TECPR2: variants seen among roughly 807,000 people sequenced by gnomAD.
The protein encoded by TECPR2 is tectonin beta-propeller repeat-containing protein 2.
A neutral mutation model predicts 138.1 loss-of-function variants in TECPR2; 65 were observed. The ratio of observed to expected loss-of-function variants is 0.47; its 90% CI spans 0.39 to 0.58. The LOEUF is 0.58. TECPR2 is among the 20% of genes least tolerant of loss of function. TECPR2 has a pLI of 0.00. For synonymous variants in TECPR2, 746 were observed against 749.8 expected, an observed-to-expected ratio of 0.99 and a Z score of 0.08; for missense variants, 1,553 against 1,824.5, an observed-to-expected ratio of 0.85 and a Z score of 2.71.
intron 16 of TECPR2, among the ~76,000 whole-genome samples, chr14:102,459,430 C>T (rs1415680241): frequency 2.0e-5 from 3 of 152,166 alleles, no homozygotes; most frequent in African/African-American, 7.2e-5. Context: ...ATTCTCATCT[C>T]TTGCTCTAAG....
chr14:102,438,071 G>A lies in TECPR2; in HGVS notation c.2444G>A (p.Ser815Asn). Residue 815 changes from serine (S) to asparagine (N), a missense_variant, in exon 10 of 20, where the codon AGC (serine) becomes AAC (asparagine). Transcript: ENST00000359520. ...TCGGGTCCCGGCTATGGCATCCTCAGCTTGGTGGTCTCCGAGAAGTATATC... is the reference window on the plus strand; with the variant it reads ...TCGGGTCCCGGCTATGGCATCCTCAACTTGGTGGTCTCCGAGAAGTATATC... The part of the protein sequence containing the change: ...GYSGPGYGIL[S>N]LVVSEKYIWC... 1 of 1,614,192 alleles carries A rather than the reference G, an allele frequency of 6.2e-7. No individual in the cohort carries two copies. The highest frequency in any genetic ancestry group is 8.5e-7 in the Non-Finnish European group (1 of 1,180,032).
intron 1 of TECPR2, among the ~76,000 whole-genome samples, chr14:102,367,994 CTTTTTTTTTTT>C (rs56325877): frequency 9.1e-5 from 6 of 65,834 alleles, no homozygotes; most frequent in African/African-American, 2.1e-4. Flanking sequence ...GCTTATTGGC[CTTTTTTTTTTT>C]TTTTTTTTTT....
At chr14:102,437,795 G>C (rs892921488) in intron 9 of TECPR2, among the ~76,000 whole-genome samples, 1 of 152,104 alleles carries the variant, frequency 6.6e-6, no homozygotes, top group African/African-American at 2.4e-5. Flanking sequence ...TGTCATCCAG[G>C]GACTCCAGGG....
intron 17 of TECPR2, among the ~76,000 whole-genome samples, chr14:102,492,005 T>G (rs1168849046): frequency 6.6e-6 from 1 of 152,034 alleles, no homozygotes; most frequent in South Asian, 2.1e-4. Flanking sequence ...CTGCCAGTGG[T>G]AGGGGTGGTA....
chr14:102,474,263 G>A (rs1218266687), intron 17 of TECPR2, among the ~76,000 whole-genome samples: 3 of 152,004 alleles, frequency 2.0e-5, no homozygotes, highest in Non-Finnish European at 1.5e-5. Flanking sequence ...GCAAGACCCT[G>A]TCTTAATCAA....
intron 13 of TECPR2, among the ~76,000 whole-genome samples, chr14:102,449,006 A>T (rs1466282060): frequency 6.6e-6 from 1 of 152,264 alleles, no homozygotes; most frequent in Non-Finnish European, 1.5e-5. Flanking sequence ...TCATGCCAGT[A>T]ATCCCAACAC....
intron 4 of TECPR2, among the ~76,000 whole-genome samples, chr14:102,409,930 G>A (rs771278936): frequency 4.1e-4 from 63 of 151,960 alleles, no homozygotes; most frequent in Non-Finnish European, 8.4e-4. Flanking sequence ...TCAGCCTCCC[G>A]AGTAGCTGGG....
intron 2 of TECPR2, among the ~76,000 whole-genome samples, chr14:102,401,412 C>T (rs1442130188): frequency 6.9e-6 from 1 of 144,042 alleles, no homozygotes; most frequent in East Asian, 2.0e-4. Context: ...GCACTCCAGC[C>T]TGGGCAACAA....
At chr14:102,405,596 C>T (rs1888637230) in intron 2 of TECPR2, among the ~76,000 whole-genome samples, 1 of 152,112 alleles carries the variant, frequency 6.6e-6, no homozygotes, top group African/African-American at 2.4e-5. Context: ...GCAGCCAATA[C>T]TAGAAAACAG....
At chr14:102,428,171 C>T in intron 6 of TECPR2, 79 bp from the exon 7 acceptor site, 1 of 1,444,480 alleles carries the variant, frequency 6.9e-7, no homozygotes, top group Admixed American at 3.0e-5. Context: ...GACTCTCACA[C>T]ATGCATTTTT....
Position 102,412,063 on chromosome 14 carries a change from T to C in TECPR2, c.481-2573T>C, listed in dbSNP as rs368241550. ...ACCCATGTTGGATTTTGTAACATTA[T>C]GTATTGGTCACTTAGAAAATACTAT... On this transcript the variant is annotated intron_variant, in intron 4 of 19. Transcript: ENST00000359520. 8.5e-5 allele frequency among the ~76,000 whole-genome samples: 13 copies of C among 152,172 alleles called. No homozygotes were observed. In the East Asian group the frequency reaches 2.5e-3, roughly 29 times the overall value.
At chr14:102,483,635 A>G in intron 17 of TECPR2, among the ~76,000 whole-genome samples, 1 of 151,350 alleles carries the variant, frequency 6.6e-6, no homozygotes, top group Admixed American at 6.6e-5. Flanking sequence ...GTAGAGATGG[A>G]GTCTCACTAT....
At chr14:102,401,966 C>T (rs1888504194) in intron 2 of TECPR2, among the ~76,000 whole-genome samples, 1 of 152,080 alleles carries the variant, frequency 6.6e-6, no homozygotes, top group South Asian at 2.1e-4. Flanking sequence ...AAGAAATAGA[C>T]AGTTCTACAA....
chr14:102,426,720 A>T (rs540919387), intron 6 of TECPR2, among the ~76,000 whole-genome samples: 1 of 152,220 alleles, frequency 6.6e-6, no homozygotes, highest in Admixed American at 6.5e-5. Flanking sequence ...TTAGCCAGGC[A>T]TGGTGGTGGG....
Position 102,376,901 on chromosome 14 carries a change from C to T in TECPR2, c.180C>T (p.Tyr60=), listed in dbSNP as rs139508217. The T allele has an allele frequency of 5.0e-6, 8 of 1,614,148 alleles. No homozygotes were observed. Among genetic ancestry groups the T allele is most frequent in the South Asian group, 4.4e-5 (4 of 91,086 alleles). Residue 60 remains tyrosine, a synonymous_variant, in exon 2 of 20, where the codon TAC becomes TAT. Coordinates refer to ENST00000359520, the MANE Select transcript of TECPR2 (RefSeq NM_014844.5). ...GCAGCATCGGCATGCTCTATCTGTA[C>T]TGCCGGCACCTCAACCAGATGAGGA... ...VGSSIGMLYL[Y]CRHLNQMRKY... is the part of the protein sequence containing the mutation.
intron 2 of TECPR2, among the ~76,000 whole-genome samples, chr14:102,390,803 A>AAT (rs10570260): frequency 0.04 from 5,948 of 148,692 alleles, 194 homozygotes; most frequent in African/African-American, 0.099. Context: ...TCAGGGGAAG[A>AAT]ATATATATAT....
At chr14:102,489,650 A>G (rs1891111983) in intron 17 of TECPR2, among the ~76,000 whole-genome samples, 1 of 150,456 alleles carries the variant, frequency 6.6e-6, no homozygotes, top group Non-Finnish European at 1.5e-5. Flanking sequence ...GGTTGCAGTG[A>G]GCCAACATCA....
At chr14:102,440,988 A>G (rs1179967688) in intron 11 of TECPR2, among the ~76,000 whole-genome samples, 1 of 148,078 alleles carries the variant, frequency 6.8e-6, no homozygotes, top group Non-Finnish European at 1.5e-5. Flanking sequence ...AAGTGGCTGC[A>G]TTTTTTTTTT....
intron 16 of TECPR2, among the ~76,000 whole-genome samples, chr14:102,464,435 C>T (rs1890498100): frequency 6.6e-6 from 1 of 152,002 alleles, no homozygotes; most frequent in South Asian, 2.1e-4. Flanking sequence ...CTCTGTTGCC[C>T]AGGCTGGAGT....
Sources: allele counts gnomAD v4.1 joint callset (sites outside exome capture counted in the v4.1 genomes callset), GRCh38; gene constraint gnomAD v4.1.1; transcripts MANE v1.5; gene names NCBI Gene and HGNC (gene_info 2026-07-23, HGNC 2026-07-21).